The following RPS4Y1 variants were observed in gnomAD, a reference collection of about 807,000 sequenced individuals.
RPS4Y1 encodes the protein small ribosomal subunit protein eS4, Y isoform 1.
For synonymous variants in RPS4Y1, 23 were observed against 20.8 expected, an observed-to-expected ratio of 1.10 and a Z score of -0.28; for missense variants, 30 against 60.9, an observed-to-expected ratio of 0.49 and a Z score of 1.69.
At chrY:2,845,832 G>A in intron 4 of RPS4Y1, 89 bp downstream of exon 4, 5 of 179,524 alleles carry the variant, frequency 2.8e-5, no homozygotes, top group African/African-American at 2.5e-4. Flanking sequence ...GCCAGATTCC[G>A]GGAATATTTC....
rs755441275 is a variant in RPS4Y1 at position 2,842,121 on chromosome Y, C to T, written c.4-44C>T. On this transcript the variant is annotated intron_variant, in intron 1 of 6. Coordinates refer to ENST00000250784, the MANE Select transcript of RPS4Y1 (RefSeq NM_001008.4). Reference sequence around the variant, plus strand: ...TACAGCTGAAGATGAGGGCATTTCACTGTCAGCGGAAACTAATTTCTCTGA... The same window carrying T: ...TACAGCTGAAGATGAGGGCATTTCATTGTCAGCGGAAACTAATTTCTCTGA... 4.8e-5 allele frequency: 18 copies of T among 372,371 alleles called. No homozygotes were observed. In the Middle Eastern group the frequency reaches 1.8e-3, roughly 38 times the overall value. The allele number at this position is 372,371 out of a possible 400,897, so 92.9% of individuals were successfully genotyped here.
chrY:2,851,073 G>A (rs2051155935), intron 4 of RPS4Y1, among the ~76,000 whole-genome samples: 1 of 30,525 alleles, frequency 3.3e-5, no homozygotes, highest in Admixed American at 2.9e-4. Context: ...TCGATCTCCT[G>A]ACCTCGTGAT....
rs755082181 is a variant in RPS4Y1, at chrY:2,856,832, C to T, written c.532+2061C>T. 2.1e-4 allele frequency among the ~76,000 whole-genome samples: 7 copies of T among 33,241 alleles called. No individual in the cohort carries two copies. In the South Asian group the frequency reaches 4.1e-3, roughly 19 times the overall value. The allele number at this position is 33,241 out of a possible 37,273, so 89.2% of individuals were successfully genotyped here. ...TGCTGGGATTACAGGTGTGAGCGACCGCCCTGGCCCTAACTTTATTTGAAA... is the reference window on the plus strand; with the variant it reads ...TGCTGGGATTACAGGTGTGAGCGACTGCCCTGGCCCTAACTTTATTTGAAA... On this transcript the variant is annotated intron_variant, in intron 5 of 6. Coordinates refer to ENST00000250784, the MANE Select transcript of RPS4Y1 (RefSeq NM_001008.4).
At chrY:2,858,771 G>A in intron 5 of RPS4Y1, among the ~76,000 whole-genome samples, 1 of 33,640 alleles carries the variant, frequency 3.0e-5, no homozygotes, top group Non-Finnish European at 7.4e-5. Context: ...TAGGAAGTGT[G>A]TTATCCAAGT....
chrY:2,863,477 A>G (rs2051165044), intron 5 of RPS4Y1, among the ~76,000 whole-genome samples: 1 of 33,632 alleles, frequency 3.0e-5, no homozygotes, highest in Admixed American at 2.7e-4. Flanking sequence ...ACTCTTGCCT[A>G]AGTACTGATT....
At chrY:2,856,138 A>AT (rs2051159734) in intron 5 of RPS4Y1, among the ~76,000 whole-genome samples, 1 of 31,519 alleles carries the variant, frequency 3.2e-5, no homozygotes, top group Non-Finnish European at 7.8e-5. Context: ...TTTGAGAATA[A>AT]TTTTTTTTTT....
intron 6 of RPS4Y1, among the ~76,000 whole-genome samples, chrY:2,865,712 C>T (rs2124491326): frequency 2.1e-4 from 7 of 32,796 alleles, no homozygotes; most frequent in African/African-American, 8.4e-4. Context: ...TTACAAGGCA[C>T]GTAACACTTG....
At chrY:2,858,540 A>G (rs2051161441) in intron 5 of RPS4Y1, among the ~76,000 whole-genome samples, 1 of 33,386 alleles carries the variant, frequency 3.0e-5, no homozygotes, top group Non-Finnish European at 7.4e-5. Context: ...AGGTATTCTC[A>G]TGTTGTTTCT....
intron 4 of RPS4Y1, among the ~76,000 whole-genome samples, chrY:2,852,491 T>G: frequency 2.9e-5 from 1 of 34,309 alleles, no homozygotes; most frequent in African/African-American, 1.1e-4. Flanking sequence ...TTCAGTTGGT[T>G]GGTCCAGTAG....
At chrY:2,846,586 C>T in intron 4 of RPS4Y1, among the ~76,000 whole-genome samples, 1 of 33,673 alleles carries the variant, frequency 3.0e-5, no homozygotes, top group Non-Finnish European at 7.4e-5. Flanking sequence ...TGACAAATAT[C>T]GGTTGTTTGG....
At chrY:2,861,607 CTTTTTTTTTTTTTTTTT>C (rs1267656120) in intron 5 of RPS4Y1, among the ~76,000 whole-genome samples, 1 of 11,483 alleles carries the variant, frequency 8.7e-5, no homozygotes, top group Non-Finnish European at 1.9e-4. Flanking sequence ...CCCTGTATGT[CTTTTTTTTTTTTTTTTT>C]TTTTTTTTGA....
chrY:2,856,351 A>G, intron 5 of RPS4Y1, among the ~76,000 whole-genome samples: 2 of 32,507 alleles, frequency 6.2e-5, no homozygotes, highest in Non-Finnish European at 1.5e-4. Flanking sequence ...GTTAGCCAGG[A>G]TGGTCTTGAT....
At chrY:2,860,598 T>G (rs2051162872) in intron 5 of RPS4Y1, among the ~76,000 whole-genome samples, 1 of 33,812 alleles carries the variant, frequency 3.0e-5, no homozygotes, top group Non-Finnish European at 7.3e-5. Context: ...TCTTGAGGGT[T>G]GTGTCATGGG....
At chrY:2,861,607 CTTTTTTT>C (rs1267656120) in intron 5 of RPS4Y1, among the ~76,000 whole-genome samples, 2 of 11,483 alleles carry the variant, frequency 1.7e-4, no homozygotes, top group African/African-American at 6.7e-4. Flanking sequence ...CCCTGTATGT[CTTTTTTT>C]TTTTTTTTTT....
chrY:2,866,137 C>T (rs977318320), intron 6 of RPS4Y1, among the ~76,000 whole-genome samples: 1 of 34,031 alleles, frequency 2.9e-5, no homozygotes, highest in African/African-American at 1.1e-4. Context: ...CCAACTTGGC[C>T]TCCCAAAGTG....
chrY:2,854,588 C>T lies in RPS4Y1; in HGVS notation c.361-12C>T, dbSNP rs770151411. On this transcript the variant is annotated splice_polypyrimidine_tract_variant and intron_variant, in intron 4 of 6. Transcript: ENST00000250784. ...TTACATATTGAATTGATTTTCCTTG[C>T]TGTGTTTATAGTACAAGTTGTGCAA... 1 of 390,726 alleles carries T rather than the reference C, an allele frequency of 2.6e-6. No homozygotes were observed. The highest frequency in any genetic ancestry group is 3.6e-6 in the Non-Finnish European group (1 of 276,485).
In RPS4Y1 at chrY:2,842,154, G is replaced by C. The variant is rs989115844; in HGVS notation, c.4-11G>C. On this transcript the variant is annotated splice_polypyrimidine_tract_variant and intron_variant, in intron 1 of 6. Transcript: ENST00000250784. ...GGAAACTAATTTCTCTGAGTTTCGTGTCCTTTTCAGGCCCGGGGCCCCAAG... is the reference window on the plus strand; with the variant it reads ...GGAAACTAATTTCTCTGAGTTTCGTCTCCTTTTCAGGCCCGGGGCCCCAAG... The C allele has an allele frequency of 2.5e-6, 1 of 395,083 alleles. No individual in the cohort carries two copies. Among genetic ancestry groups the C allele is most frequent in the Non-Finnish European group, 3.5e-6 (1 of 281,979 alleles).
chrY:2,859,014 A>G, intron 5 of RPS4Y1, among the ~76,000 whole-genome samples: 1 of 33,044 alleles, frequency 3.0e-5, no homozygotes, highest in Admixed American at 2.7e-4. Flanking sequence ...AGCATTTTTG[A>G]GCTGCCTTGT....
intron 5 of RPS4Y1, among the ~76,000 whole-genome samples, chrY:2,855,102 C>T: frequency 3.0e-5 from 1 of 33,289 alleles, no homozygotes; most frequent in African/African-American, 1.2e-4. Flanking sequence ...TAGCTGTGTT[C>T]CTTGAGGTGA....
Sources: allele counts gnomAD v4.1 joint callset (sites outside exome capture counted in the v4.1 genomes callset), GRCh38; gene constraint gnomAD v4.1.1; transcripts MANE v1.5; gene names NCBI Gene and HGNC (gene_info 2026-07-23, HGNC 2026-07-21).